ST6GALNAC3: variants seen among roughly 807,000 people sequenced by gnomAD.
ST6GALNAC3 encodes alpha-N-acetylgalactosaminide alpha-2,6-sialyltransferase 3.
Under a neutral mutation model 32.7 loss-of-function variants are expected in ST6GALNAC3, and 25 were observed. That is an observed-to-expected ratio of 0.76 (90% CI 0.56 to 1.07). The LOEUF (loss-of-function observed/expected upper bound fraction) is 1.07, where lower values mean the gene tolerates loss of function less well. Among genes scored for constraint, ST6GALNAC3 ranks in the 50% least tolerant of loss-of-function variants. The pLI is 0.00. For synonymous variants in ST6GALNAC3, 129 were observed against 133.1 expected, an observed-to-expected ratio of 0.97 and a Z score of 0.21; for missense variants, 355 against 382.4, an observed-to-expected ratio of 0.93 and a Z score of 0.60.
At chr1:76,397,369 C>CTT (rs66473246) in intron 2 of ST6GALNAC3, among the ~76,000 whole-genome samples, 12,555 of 124,002 alleles carry the variant, frequency 0.1, 1,944 homozygotes, top group African/African-American at 0.3. Flanking sequence ...CTATAAGATG[C>CTT]TTTTTTTTTT....
chr1:76,134,139 A>G (rs1056921253), intron 1 of ST6GALNAC3, among the ~76,000 whole-genome samples: 1 of 152,236 alleles, frequency 6.6e-6, no homozygotes, highest in Non-Finnish European at 1.5e-5. Context: ...AAATTAGGGA[A>G]TGTCCCAGGC....
chr1:76,082,266 G>T (rs541079830), intron 1 of ST6GALNAC3, among the ~76,000 whole-genome samples: 3 of 152,190 alleles, frequency 2.0e-5, no homozygotes, highest in Non-Finnish European at 4.4e-5. Context: ...AGATTTACAA[G>T]TGCTACCTGG....
intron 1 of ST6GALNAC3, among the ~76,000 whole-genome samples, chr1:76,086,338 G>A (rs181990072): frequency 2.0e-5 from 3 of 152,274 alleles, no homozygotes; most frequent in Admixed American, 1.3e-4. Context: ...TGGGGAAATC[G>A]AAGACTGGTG....
chr1:76,188,752 A>C (rs756095383), intron 1 of ST6GALNAC3, among the ~76,000 whole-genome samples: 2 of 152,242 alleles, frequency 1.3e-5, no homozygotes, highest in Non-Finnish European at 2.9e-5. Context: ...TGAATTCATT[A>C]TTCATTAACT....
chr1:76,533,343 A>G (rs1244956252), intron 3 of ST6GALNAC3, among the ~76,000 whole-genome samples: 2 of 128,016 alleles, frequency 1.6e-5, no homozygotes, highest in African/African-American at 2.9e-5. Flanking sequence ...CCCACAAACA[A>G]ACACCACTAA....
chr1:76,131,489 G>A (rs549835335), intron 1 of ST6GALNAC3, among the ~76,000 whole-genome samples: 12 of 152,150 alleles, frequency 7.9e-5, no homozygotes, highest in Admixed American at 2.0e-4. Flanking sequence ...TGAGAAAAAG[G>A]CATTGGCCAA....
chr1:76,473,101 T>C (rs1332660924), intron 3 of ST6GALNAC3, among the ~76,000 whole-genome samples: 1 of 152,016 alleles, frequency 6.6e-6, no homozygotes, highest in East Asian at 1.9e-4. Context: ...TGCATGTCTT[T>C]GTGGGTGGGG....
rs555562912 is a variant in ST6GALNAC3 at position 76,327,439 on chromosome 1, G to A, written c.213+13440G>A. Among the ~76,000 whole-genome samples the A allele has an allele frequency of 1.6e-4, 25 of 152,244 alleles. No individual in the cohort carries two copies. In the South Asian group the frequency reaches 4.8e-3, roughly 29 times the overall value. On this transcript the variant is annotated intron_variant, in intron 2 of 4. Coordinates refer to ENST00000328299, the MANE Select transcript of ST6GALNAC3 (RefSeq NM_152996.4). ...TGCAGTTTGACTCCAAAGGCGATCT[G>A]CTGGCAGAATTCCTCTTTGCTCAGG...
intron 2 of ST6GALNAC3, among the ~76,000 whole-genome samples, chr1:76,368,101 A>AT (rs144420989): frequency 2.2e-4 from 33 of 148,976 alleles, no homozygotes; most frequent in South Asian, 4.3e-4. Flanking sequence ...CAGGGTGGGC[A>AT]TTTTTTTTTT....
chr1:76,456,396 G>GAGTGCAGTGGTGCAATC (rs2101575951), intron 3 of ST6GALNAC3, among the ~76,000 whole-genome samples: 2 of 151,776 alleles, frequency 1.3e-5, no homozygotes, highest in Admixed American at 1.3e-4. Flanking sequence ...GCCCAAGTTG[G>GAGTGCAGTGGTGCAATC]AGTGCAGTGG....
chr1:76,523,728 T>C (rs1207475897), intron 3 of ST6GALNAC3, among the ~76,000 whole-genome samples: 1 of 152,168 alleles, frequency 6.6e-6, no homozygotes, highest in African/African-American at 2.4e-5. Context: ...CACTCAGGGT[T>C]TGTAGCTTAG....
chr1:76,212,897 A>G (rs1033416854), intron 1 of ST6GALNAC3, among the ~76,000 whole-genome samples: 1 of 152,202 alleles, frequency 6.6e-6, no homozygotes, highest in African/African-American at 2.4e-5. Context: ...TGGCAAGTCT[A>G]AAACACAGGA....
chr1:76,323,698 A>G (rs968609517), intron 2 of ST6GALNAC3, among the ~76,000 whole-genome samples: 2 of 152,250 alleles, frequency 1.3e-5, no homozygotes, highest in Non-Finnish European at 2.9e-5. Flanking sequence ...TAACATGTGA[A>G]AGATTATTTT....
At chr1:76,318,467 G>C (rs1475337254) in intron 2 of ST6GALNAC3, among the ~76,000 whole-genome samples, 1 of 152,066 alleles carries the variant, frequency 6.6e-6, no homozygotes, top group African/African-American at 2.4e-5. Context: ...TGGCCACGGA[G>C]CCCCAAATTT....
intron 1 of ST6GALNAC3, among the ~76,000 whole-genome samples, chr1:76,308,907 C>T (rs1028461996): frequency 1.3e-5 from 2 of 152,194 alleles, no homozygotes; most frequent in Non-Finnish European, 2.9e-5. Flanking sequence ...ATGATTTTAA[C>T]TCTGTCTAGA....
chr1:76,587,080 T>C (rs1295437339), intron 3 of ST6GALNAC3, among the ~76,000 whole-genome samples: 1 of 152,236 alleles, frequency 6.6e-6, no homozygotes, highest in Non-Finnish European at 1.5e-5. Context: ...TTCTGCTATA[T>C]TCCAGACACC....
downstream of ST6GALNAC3, among the ~76,000 whole-genome samples, chr1:76,634,963 TG>T (rs1197762231): frequency 2.4e-5 from 1 of 42,228 alleles, no homozygotes; most frequent in Non-Finnish European, 4.5e-5. Flanking sequence ...CCTCCCAAAG[TG>T]GGGATTTTTA....
At chr1:76,333,960 T>C (rs185828318) in intron 2 of ST6GALNAC3, among the ~76,000 whole-genome samples, 5 of 152,270 alleles carry the variant, frequency 3.3e-5, no homozygotes, top group Non-Finnish European at 5.9e-5. Flanking sequence ...ATCATATTGC[T>C]CTTAGATGGA....
chr1:76,202,218 T>A (rs534484776), intron 1 of ST6GALNAC3, among the ~76,000 whole-genome samples: 1 of 151,784 alleles, frequency 6.6e-6, no homozygotes, highest in Non-Finnish European at 1.5e-5. Flanking sequence ...GCATTGATGC[T>A]TCCAAGCCAA....
Sources: allele counts gnomAD v4.1 joint callset (sites outside exome capture counted in the v4.1 genomes callset), GRCh38; gene constraint gnomAD v4.1.1; transcripts MANE v1.5; gene names NCBI Gene and HGNC (gene_info 2026-07-23, HGNC 2026-07-21).